The following KIF21A variants were observed in gnomAD, a reference collection of about 807,000 sequenced individuals.
The protein encoded by KIF21A is kinesin-like protein KIF21A.
In KIF21A, 114 loss-of-function variants were observed where a neutral mutation model predicts 202.9. The ratio of observed to expected loss-of-function variants is 0.56; its 90% CI spans 0.48 to 0.66. The LOEUF (loss-of-function observed/expected upper bound fraction) is 0.66, where lower values mean the gene tolerates loss of function less well. Ranked by LOEUF, KIF21A falls within the 30% of genes least tolerant of loss-of-function variation. KIF21A has a pLI of 0.00. For missense variants in KIF21A, 1,677 were observed against 1,994.9 expected, an observed-to-expected ratio of 0.84 and a Z score of 3.04; for synonymous variants, 667 against 670.8, an observed-to-expected ratio of 0.99 and a Z score of 0.09.
chr12:39,362,113 T>C (rs550175886), intron 7 of KIF21A, among the ~76,000 whole-genome samples: 1 of 152,228 alleles, frequency 6.6e-6, no homozygotes, highest in East Asian at 1.9e-4. Flanking sequence ...ACTCCCTCTT[T>C]GCCTTTTGTC....
At chr12:39,326,234 C>G (rs375341032) in intron 25 of KIF21A, 30 bp downstream of exon 25, 1 of 1,491,666 alleles carries the variant, frequency 6.7e-7, no homozygotes, top group African/African-American at 1.4e-5. Flanking sequence ...GTAAATAAGT[C>G]AACTCTATTG....
intron 27 of KIF21A, 125 bp from the exon 28 acceptor site, chr12:39,320,138 A>G (rs1385124244): frequency 1.6e-6 from 1 of 626,056 alleles, no homozygotes; most frequent in African/African-American, 1.9e-5. Context: ...TTACTTGAGA[A>G]CAAAAAATAA....
chr12:39,333,342 TATATGA>T, intron 17 of KIF21A, 62 bp from the exon 18 acceptor site: 1 of 1,187,098 alleles, frequency 8.4e-7, no homozygotes. Context: ...TTCCTATTCC[TATATGA>T]ATATATTTCC....
At chr12:39,394,104 G>A (rs778905013) in intron 1 of KIF21A, among the ~76,000 whole-genome samples, 1 of 152,150 alleles carries the variant, frequency 6.6e-6, no homozygotes, top group Non-Finnish European at 1.5e-5. Flanking sequence ...TGAATGCTTG[G>A]TTTCATCTCT....
intron 37 of KIF21A, among the ~76,000 whole-genome samples, chr12:39,296,583 A>T (rs1210081479): frequency 6.6e-6 from 1 of 152,204 alleles, no homozygotes; most frequent in African/African-American, 2.4e-5. Flanking sequence ...AGAAGAGATT[A>T]CAATTTTAAA....
intron 1 of KIF21A, among the ~76,000 whole-genome samples, chr12:39,436,448 A>ATATATATATATATATATATATATTTTT (rs1387332677): frequency 1.7e-4 from 16 of 95,750 alleles, no homozygotes; most frequent in Non-Finnish European, 2.4e-4. Context: ...ATATATATAT[A>ATATATATATATATATATATATATTTTT]TTTTTTTTTT....
chr12:39,370,239 C>T lies in KIF21A; in HGVS notation c.67G>A (p.Glu23Lys), dbSNP rs1036918539. The T allele has an allele frequency of 6.2e-7, 1 of 1,612,548 alleles. No homozygotes were observed. The highest frequency in any genetic ancestry group is 1.3e-5 in the African/African-American group (1 of 74,810). ...CAAATATGGCATCCTTCAATCTTCT[C>T]TTTGGCAAGCTGTGGTCTTATTCTG... Reference protein sequence around the residue: ...AVRIRPQLAKEKIEGCHICTS... With the variant: ...AVRIRPQLAKKKIEGCHICTS... The change falls in exon 2 of 38, where the codon GAG becomes AAG. Residue 23 changes from glutamate to lysine, a missense_variant. Transcript: ENST00000361418.
chr12:39,410,875 T>C (rs117866436), intron 1 of KIF21A, among the ~76,000 whole-genome samples: 303 of 152,086 alleles, frequency 2.0e-3, no homozygotes, highest in East Asian at 0.015. Context: ...CCTGCAAAAT[T>C]CTCCCCTGCA....
In KIF21A at chr12:39,427,667, GT is replaced by G. The variant is rs529957638; in HGVS notation, c.44+15259del. ...AGATGACTGCTATTGCATCTTTTTT[GT>G]TTGTTTGTTTGAGACGGTCTCTCTC... On this transcript the variant is annotated intron_variant, in intron 1 of 37. Coordinates refer to ENST00000361418, the MANE Select transcript of KIF21A (RefSeq NM_001173464.2). Among the ~76,000 whole-genome samples, 675 of 152,160 alleles carry G rather than the reference GT, an allele frequency of 4.4e-3. 6 individuals carry two copies. Among genetic ancestry groups the G allele is most frequent in the African/African-American group, 0.015 (631 of 41,536 alleles).
intron 1 of KIF21A, among the ~76,000 whole-genome samples, chr12:39,430,077 C>T (rs769846962): frequency 8.6e-5 from 13 of 151,458 alleles, no homozygotes; most frequent in African/African-American, 4.9e-5. Context: ...TGGCTGGGCA[C>T]GGTGGCTCAT....
chr12:39,386,474 A>C (rs1341416464), intron 1 of KIF21A, among the ~76,000 whole-genome samples: 4 of 152,192 alleles, frequency 2.6e-5, no homozygotes, highest in African/African-American at 9.6e-5. Flanking sequence ...CTTTGTTAGA[A>C]TAGCTCAACT....
At chr12:39,429,284 T>C (rs1955001748) in intron 1 of KIF21A, among the ~76,000 whole-genome samples, 1 of 152,188 alleles carries the variant, frequency 6.6e-6, no homozygotes, top group African/African-American at 2.4e-5. Flanking sequence ...AAACATTTTA[T>C]TCAAACTGCT....
rs531554239 is a variant in KIF21A at position 39,416,813 on chromosome 12, G to GTATATATATA, written c.44+26113_44+26114insTATATATATA. ...TGTATATATATGTACATATATATGT[G>GTATATATATA]TGTATATATGTACATATATGTGTAT... is the stretch of plus-strand genomic sequence containing the variant. On this transcript the variant is annotated intron_variant, in intron 1 of 37. Transcript: ENST00000361418. Among the ~76,000 whole-genome samples the GTATATATATA allele has an allele frequency of 2.2e-3, 221 of 98,638 alleles. 13 individuals carry two copies. Among genetic ancestry groups the GTATATATATA allele is most frequent in the East Asian group, 3.5e-3 (9 of 2,544 alleles). The allele number at this position is 98,638 out of a possible 152,430, so 64.7% of individuals were successfully genotyped here. A position where few individuals can be genotyped will look rare whatever the true frequency, so the allele number is the denominator to read the frequency against.
intron 1 of KIF21A, among the ~76,000 whole-genome samples, chr12:39,417,165 TA>T (rs984843402): frequency 1.1e-4 from 17 of 149,980 alleles, no homozygotes; most frequent in Admixed American, 4.0e-4. Flanking sequence ...AAGGGGTACA[TA>T]AAAAAAAAGA....
intron 6 of KIF21A, among the ~76,000 whole-genome samples, chr12:39,365,628 A>AG (rs1172942889): frequency 1.3e-5 from 2 of 152,226 alleles, no homozygotes; most frequent in Non-Finnish European, 2.9e-5. Context: ...TACTAAAAAA[A>AG]ATTACAATTT....
At chr12:39,326,165 T>A in intron 25 of KIF21A, 99 bp downstream of exon 25, 2 of 952,418 alleles carry the variant, frequency 2.1e-6, no homozygotes, top group Non-Finnish European at 3.3e-6. Flanking sequence ...GCCATTAGAT[T>A]GAAAATTATT....
intron 17 of KIF21A, 61 bp from the exon 18 acceptor site, chr12:39,333,341 C>T (rs1309577774): frequency 8.2e-7 from 1 of 1,214,544 alleles, no homozygotes; most frequent in Non-Finnish European, 1.2e-6. Flanking sequence ...TTTCCTATTC[C>T]TATATGAATA....
At chr12:39,393,674 T>G (rs548250738) in intron 1 of KIF21A, among the ~76,000 whole-genome samples, 3 of 152,204 alleles carry the variant, frequency 2.0e-5, no homozygotes, top group Non-Finnish European at 4.4e-5. Context: ...CTGAGGCAAT[T>G]TTTTAATGCT....
At chr12:39,364,518 A>G (rs1411062011) in intron 6 of KIF21A, among the ~76,000 whole-genome samples, 1 of 152,218 alleles carries the variant, frequency 6.6e-6, no homozygotes, top group African/African-American at 2.4e-5. Context: ...CATCAAGATG[A>G]GTATTGGAGT....
Sources: allele counts gnomAD v4.1 joint callset (sites outside exome capture counted in the v4.1 genomes callset), GRCh38; gene constraint gnomAD v4.1.1; transcripts MANE v1.5; gene names NCBI Gene and HGNC (gene_info 2026-07-23, HGNC 2026-07-21).